Variants in SOX11 observed in about 807,000 individuals in gnomAD.
SOX11 encodes the protein SRY-box transcription factor 11, also known as transcription factor SOX-11.
In SOX11, 5 loss-of-function variants were observed where a neutral mutation model predicts 16.7. The observed-to-expected ratio is 0.30, with a 90% CI of 0.16 to 0.63. The LOEUF (loss-of-function observed/expected upper bound fraction) is 0.63, where lower values mean the gene tolerates loss of function less well. SOX11 is among the 20% of genes least tolerant of loss of function. The pLI, the probability that SOX11 is intolerant of heterozygous loss-of-function variation, is 0.82. For synonymous variants in SOX11, 363 were observed against 298.8 expected, an observed-to-expected ratio of 1.21 and a Z score of -2.22; for missense variants, 492 against 641.5, an observed-to-expected ratio of 0.77 and a Z score of 2.52.
chr2:5,693,206 G>T lies in SOX11; in HGVS notation c.485G>T (p.Gly162Val). The T allele has an allele frequency of 6.6e-7, 1 of 1,505,790 alleles. No homozygotes were observed. The highest frequency in any genetic ancestry group is 1.3e-5 in the South Asian group (1 of 79,428). 93.3% of individuals were successfully genotyped at this position (1,505,790 alleles called of 1,614,324 possible). ...GCGGGCGGTGCCAAGACCTCCAAGG[G>T]CTCCAGCAAGAAATGCGGCAAGCTC... ...GGAGGAKTSKGSSKKCGKLKA... is the reference protein window; with the variant it reads ...GGAGGAKTSKVSSKKCGKLKA... Residue 162 changes from glycine (G) to valine (V), a missense_variant, in exon 1 of 1, where the codon GGC becomes GTC. Physicochemically the swap from Gly to Val is moderately radical, Grantham distance 109. Around this residue, in one of 4 missense-constraint regions of SOX11, gnomAD observed 389 missense variants for 389.0 expected, o/e 1.00. Transcript: ENST00000322002. The surrounding 1 kb of genome is among the most constrained non-coding windows in gnomAD (Gnocchi z 8.6).
rs1285969812 is a variant in SOX11 at position 5,698,563 on chromosome 2, AAAT to A, written c.*4517_*4519del. The A allele has an allele frequency of 1.2e-5, 2 of 163,390 alleles. No individual in the cohort carries two copies. The highest frequency in any genetic ancestry group is 3.9e-4 in the East Asian group (2 of 5,122). 10.1% of individuals were successfully genotyped at this position (163,390 alleles called of 1,614,324 possible). ...CATCCCTTTTATTTAAAAAAAAAAA[AAAT>A]GCTAATAAAAGGCAGTGTACTTAAA... is the stretch of plus-strand genomic sequence containing the variant. On this transcript the variant is annotated 3_prime_UTR_variant, in exon 1 of 1. Coordinates refer to ENST00000322002, the MANE Select transcript of SOX11 (RefSeq NM_003108.4).
rs761704672 is a variant in SOX11 at position 5,693,158 on chromosome 2, G to C, written c.437G>C (p.Gly146Ala). ...QSPEKSAAGG[G>A]GGSAGGGAGG... is the part of the protein sequence containing the mutation. ...CCAGAGAAGAGCGCGGCCGGCGGCGGCGGCGGGAGCGCGGGCGGAGGCGCG... is the reference window on the plus strand; with the variant it reads ...CCAGAGAAGAGCGCGGCCGGCGGCGCCGGCGGGAGCGCGGGCGGAGGCGCG... The change falls in exon 1 of 1, where the codon GGC (glycine) becomes GCC (alanine). Residue 146 changes from glycine to alanine, a missense_variant. Around this residue, in one of 4 missense-constraint regions of SOX11, gnomAD observed 389 missense variants for 389.0 expected, o/e 1.00. Transcript: ENST00000322002. This position sits in a 1 kb window ranked among gnomAD's most constrained non-coding sequence, Gnocchi z 8.6. The C allele has an allele frequency of 1.3e-6, 2 of 1,585,780 alleles. No individual in the cohort carries two copies. The highest frequency in any genetic ancestry group is 2.2e-5 in the South Asian group (2 of 89,046).
chr2:5,692,524 G>A lies in SOX11; in HGVS notation c.-198G>A, dbSNP rs1284537036. On this transcript the variant is annotated 5_prime_UTR_variant, in exon 1 of 1. Transcript: ENST00000322002. ...TCGCGACCGCAGCTCCCACCGCGCC[G>A]GCGGCCGTCGTCGCCGAAGCCACCA... The A allele has an allele frequency of 1.5e-5, 7 of 463,886 alleles. No homozygotes were observed. Among genetic ancestry groups the A allele is most frequent in the African/African-American group, 6.2e-5 (3 of 48,772 alleles). The allele number at this position is 463,886 out of a possible 1,614,324, so 28.7% of individuals were successfully genotyped here.
Position 5,700,704 on chromosome 2 carries a change from A to T in SOX11, c.*6657A>T, listed in dbSNP as rs1383350075. The T allele has an allele frequency of 6.0e-6, 1 of 166,702 alleles. No individual in the cohort carries two copies. The highest frequency in any genetic ancestry group is 2.1e-4 in the South Asian group (1 of 4,822). The allele number at this position is 166,702 out of a possible 1,614,324, so 10.3% of individuals were successfully genotyped here. A position where few individuals can be genotyped will look rare whatever the true frequency, so the allele number is the denominator to read the frequency against. ...ATTGACTGTTTTAAAACGGAGGCCT[A>T]TTTTTTCCGGTTTGGGACTCCTAGT... On this transcript the variant is annotated 3_prime_UTR_variant, in exon 1 of 1. Transcript: ENST00000322002.
rs537031161 is a variant in SOX11, at chr2:5,692,672, C to T, written c.-50C>T. 8.7e-5 allele frequency: 129 copies of T among 1,477,060 alleles called. No individual in the cohort carries two copies. Among genetic ancestry groups the T allele is most frequent in the Middle Eastern group, 6.6e-4 (3 of 4,578 alleles). The allele number at this position is 1,477,060 out of a possible 1,614,324, so 91.5% of individuals were successfully genotyped here. ...GGGGTGGGAGGGGGAGGGGGACCTC[C>T]GCACGAGACCCAGCGGCCCGGGTTG... On this transcript the variant is annotated 5_prime_UTR_variant, in exon 1 of 1. Coordinates refer to ENST00000322002, the MANE Select transcript of SOX11 (RefSeq NM_003108.4).
At position 5,697,403 on chromosome 2, in the gene SOX11, T is replaced by C. The variant is rs1665756212; in HGVS notation, c.*3356T>C. ...GAGGGGCCCCGGCGCCCTTCCCGCCTCCCCTCCCGCTTGCTTTTGCCTTAC... is the reference window on the plus strand; with the variant it reads ...GAGGGGCCCCGGCGCCCTTCCCGCCCCCCCTCCCGCTTGCTTTTGCCTTAC... On this transcript the variant is annotated 3_prime_UTR_variant, in exon 1 of 1. Transcript: ENST00000322002. 1.8e-5 allele frequency: 3 copies of C among 166,062 alleles called. No individual in the cohort carries two copies. Among genetic ancestry groups the C allele is most frequent in the African/African-American group, 7.3e-5 (3 of 40,956 alleles). 10.3% of individuals were successfully genotyped at this position (166,062 alleles called of 1,614,324 possible).
In SOX11 at chr2:5,693,569, G is replaced by A. The variant is rs1665676750; in HGVS notation, c.848G>A (p.Ser283Asn). Reference protein sequence around the residue: ...AKVPASPTLSSSAESPEGASL... With the variant: ...AKVPASPTLSNSAESPEGASL... ...GTGCCCGCCAGCCCTACGCTGAGCA[G>A]CTCGGCGGAGTCCCCCGAGGGAGCG... The change falls in exon 1 of 1, where the codon AGC becomes AAC. Residue 283 changes from serine to asparagine, a missense_variant. Around this residue, in one of 4 missense-constraint regions of SOX11, gnomAD observed 389 missense variants for 389.0 expected, o/e 1.00. Transcript: ENST00000322002. This position sits in a 1 kb window ranked among gnomAD's most constrained non-coding sequence, Gnocchi z 8.6. The A allele has an allele frequency of 6.4e-7, 1 of 1,561,154 alleles. No homozygotes were observed. The highest frequency in any genetic ancestry group is 8.6e-7 in the Non-Finnish European group (1 of 1,160,814).
rs1364504443 is a variant in SOX11 at position 5,693,532 on chromosome 2, A to C, written c.811A>C (p.Asn271His). ...GCCGTCGCAGCTGCTGAGACGCTAC[A>C]ACGTCGCCAAAGTGCCCGCCAGCCC... is the stretch of plus-strand genomic sequence containing the variant. ...QQPSQLLRRYNVAKVPASPTL... is the reference protein window; with the variant it reads ...QQPSQLLRRYHVAKVPASPTL... The change falls in exon 1 of 1, where the codon AAC becomes CAC. Residue 271 changes from asparagine to histidine, a missense_variant. Asn to His is a moderately conservative substitution (Grantham distance 68). This residue lies in a region of SOX11 where 389 missense variants were observed against 389.0 expected (regional missense o/e 1.00). Coordinates refer to ENST00000322002, the MANE Select transcript of SOX11 (RefSeq NM_003108.4). This position sits in a 1 kb window ranked among gnomAD's most constrained non-coding sequence, Gnocchi z 8.6. 2 of 1,568,360 alleles carry C rather than the reference A, an allele frequency of 1.3e-6. No individual in the cohort carries two copies. Among genetic ancestry groups the C allele is most frequent in the Non-Finnish European group, 1.7e-6 (2 of 1,164,382 alleles).
chr2:5,693,287 G>C lies in SOX11; in HGVS notation c.566G>C (p.Gly189Ala). Residue 189 changes from glycine to alanine, a missense_variant, in exon 1 of 1, where the codon GGG becomes GCG. Gly to Ala is a moderately conservative substitution (Grantham distance 60). Around this residue, in one of 4 missense-constraint regions of SOX11, gnomAD observed 389 missense variants for 389.0 expected, o/e 1.00. Transcript: ENST00000322002. This position sits in a 1 kb window ranked among gnomAD's most constrained non-coding sequence, Gnocchi z 8.6. ...GGCGCGGGCAAGGCGGCCCAGTCCGGGGACTACGGGGGCGCGGGCGACGAC... is the reference window on the plus strand; with the variant it reads ...GGCGCGGGCAAGGCGGCCCAGTCCGCGGACTACGGGGGCGCGGGCGACGAC... The part of the protein sequence containing the change: ...KAGAGKAAQS[G>A]DYGGAGDDYV... 6.7e-7 allele frequency: 1 copy of C among 1,500,830 alleles called. No homozygotes were observed. Among genetic ancestry groups the C allele is most frequent in the African/African-American group, 1.4e-5 (1 of 69,702 alleles). 93.0% of individuals were successfully genotyped at this position (1,500,830 alleles called of 1,614,324 possible).
chr2:5,694,156 TTGA>T lies in SOX11; in HGVS notation c.*112_*114del. 7.3e-7 allele frequency: 1 copy of T among 1,374,818 alleles called. No homozygotes were observed. The highest frequency in any genetic ancestry group is 9.7e-7 in the Non-Finnish European group (1 of 1,033,502). 85.2% of individuals were successfully genotyped at this position (1,374,818 alleles called of 1,614,324 possible). ...GATAATGATGATGATGATGGTGGTG[TTGA>T]TGGTGGCGGTGGTAGGGTGGAGGGG... On this transcript the variant is annotated 3_prime_UTR_variant, in exon 1 of 1. Coordinates refer to ENST00000322002, the MANE Select transcript of SOX11 (RefSeq NM_003108.4).
At position 5,693,440 on chromosome 2, in the gene SOX11, A is replaced by G. The variant is rs778428159; in HGVS notation, c.719A>G (p.Lys240Arg). ...DDDDELQLQI[K>R]QEPDEEDEEP... The stretch of plus-strand genomic sequence containing the variant: ...GACGACGAGCTGCAGCTGCAGATCA[A>G]ACAGGAGCCGGACGAGGAGGACGAG... The change falls in exon 1 of 1, where the codon AAA becomes AGA. Residue 240 changes from lysine (K) to arginine (R), a missense_variant. This residue lies in a region of SOX11 where 389 missense variants were observed against 389.0 expected (regional missense o/e 1.00). Coordinates refer to ENST00000322002, the MANE Select transcript of SOX11 (RefSeq NM_003108.4). This position sits in a 1 kb window ranked among gnomAD's most constrained non-coding sequence, Gnocchi z 8.6. The G allele has an allele frequency of 1.3e-6, 2 of 1,591,622 alleles. No homozygotes were observed. The highest frequency in any genetic ancestry group is 2.7e-5 in the African/African-American group (2 of 74,798).
rs1373389226 is a variant in SOX11, at chr2:5,694,375, T to G, written c.*328T>G. 2.4e-6 allele frequency: 1 copy of G among 412,644 alleles called. No individual in the cohort carries two copies. Among genetic ancestry groups the G allele is most frequent in the East Asian group, 3.6e-5 (1 of 28,020 alleles). The allele number at this position is 412,644 out of a possible 1,614,324, so 25.6% of individuals were successfully genotyped here. ...CATACCTAGTCTGGAGTTGTGATTA[T>G]TTTCCCAAAAAATGTGTTTTTGTAA... is the stretch of plus-strand genomic sequence containing the variant. On this transcript the variant is annotated 3_prime_UTR_variant, in exon 1 of 1. Coordinates refer to ENST00000322002, the MANE Select transcript of SOX11 (RefSeq NM_003108.4).
In SOX11 at chr2:5,693,785, G is replaced by A. The variant is rs1395519132; in HGVS notation, c.1064G>A (p.Gly355Asp). ...AGCGGCAGCAGCAGCGGCAGCAGCG[G>A]CGAGGACGCCGACGACCTGATGTTC... ...SSSGSSSGSSGEDADDLMFDL... is the reference protein window; with the variant it reads ...SSSGSSSGSSDEDADDLMFDL... Residue 355 changes from glycine to aspartate, a missense_variant, in exon 1 of 1, where the codon GGC (glycine) becomes GAC (aspartate). Coordinates refer to ENST00000322002, the MANE Select transcript of SOX11 (RefSeq NM_003108.4). The surrounding 1 kb of genome is among the most constrained non-coding windows in gnomAD (Gnocchi z 8.6). The A allele has an allele frequency of 6.4e-7, 1 of 1,565,014 alleles. No homozygotes were observed. Among genetic ancestry groups the A allele is most frequent in the East Asian group, 2.4e-5 (1 of 42,278 alleles).
At position 5,698,800 on chromosome 2, in the gene SOX11, A is replaced by G. The variant is rs535139076; in HGVS notation, c.*4753A>G. Reference sequence around the variant, plus strand: ...TTTAGTTGCTTTTTTCATGAAAGAAAAAGACTCAAAAGACAAGACTTATTT... The same window carrying G: ...TTTAGTTGCTTTTTTCATGAAAGAAGAAGACTCAAAAGACAAGACTTATTT... On this transcript the variant is annotated 3_prime_UTR_variant, in exon 1 of 1. Coordinates refer to ENST00000322002, the MANE Select transcript of SOX11 (RefSeq NM_003108.4). 1.8e-5 allele frequency: 3 copies of G among 167,210 alleles called. No individual in the cohort carries two copies. The highest frequency in any genetic ancestry group is 4.1e-4 in the South Asian group (2 of 4,824). 10.4% of individuals were successfully genotyped at this position (167,210 alleles called of 1,614,324 possible).
chr2:5,694,290 C>A lies in SOX11; in HGVS notation c.*243C>A. ...TAAAGTGAAATGAGTAGTTTTTAAA[C>A]ATTTTTCCTGTCCTTTTTTTGTCCC... On this transcript the variant is annotated 3_prime_UTR_variant, in exon 1 of 1. Coordinates refer to ENST00000322002, the MANE Select transcript of SOX11 (RefSeq NM_003108.4). The A allele has an allele frequency of 2.0e-6, 1 of 505,878 alleles. No individual in the cohort carries two copies. Among genetic ancestry groups the A allele is most frequent in the African/African-American group, 2.0e-5 (1 of 49,832 alleles). 31.3% of individuals were successfully genotyped at this position (505,878 alleles called of 1,614,324 possible).
rs754271419 is a variant in SOX11 at position 5,693,333 on chromosome 2, C to T, written c.612C>T (p.Arg204=). The change falls in exon 1 of 1, where the codon CGC becomes CGT. Residue 204 remains arginine, a synonymous_variant. Coordinates refer to ENST00000322002, the MANE Select transcript of SOX11 (RefSeq NM_003108.4). The surrounding 1 kb of genome is among the most constrained non-coding windows in gnomAD (Gnocchi z 8.6). ...AGDDYVLGSL[R]VSGSGGGGAG... ...ACGACTACGTGCTGGGCAGCCTGCGCGTGAGCGGCTCGGGCGGCGGCGGCG... is the reference window on the plus strand; with the variant it reads ...ACGACTACGTGCTGGGCAGCCTGCGTGTGAGCGGCTCGGGCGGCGGCGGCG... The T allele has an allele frequency of 1.3e-6, 2 of 1,589,940 alleles. No homozygotes were observed. Among genetic ancestry groups the T allele is most frequent in the African/African-American group, 1.4e-5 (1 of 74,028 alleles).
chr2:5,693,977 C>T lies in SOX11; in HGVS notation c.1256C>T (p.Pro419Leu). The T allele has an allele frequency of 6.4e-7, 1 of 1,551,592 alleles. No individual in the cohort carries two copies. The highest frequency in any genetic ancestry group is 8.7e-7 in the Non-Finnish European group (1 of 1,147,032). The change falls in exon 1 of 1, where the codon CCG becomes CTG. Residue 419 changes from proline (P) to leucine (L), a missense_variant. Physicochemically the swap from Pro to Leu is moderately conservative, Grantham distance 98 (BLOSUM62 -3). This residue lies in a region of SOX11 where 31 missense variants were observed against 78.3 expected (regional missense o/e 0.40). Coordinates refer to ENST00000322002, the MANE Select transcript of SOX11 (RefSeq NM_003108.4). This position sits in a 1 kb window ranked among gnomAD's most constrained non-coding sequence, Gnocchi z 8.6. ...SHFEFPDYCT[P>L]ELSEMIAGDW... ...TTCGAGTTCCCCGACTACTGCACGC[C>T]GGAGCTGAGCGAGATGATCGCGGGG...
In SOX11 at chr2:5,694,064, G is replaced by C. The variant is rs1003570410; in HGVS notation, c.*17G>C. 6.5e-6 allele frequency: 10 copies of C among 1,542,890 alleles called. No homozygotes were observed. Among genetic ancestry groups the C allele is most frequent in the Non-Finnish European group, 7.9e-6 (9 of 1,142,684 alleles). On this transcript the variant is annotated 3_prime_UTR_variant, in exon 1 of 1. Transcript: ENST00000322002. ...ACATATTGAAAGGCGCCCGCTGCTC[G>C]CTCTTTCTCTCGGAGGGTGCAGAGC...
rs1418231739 is a variant in SOX11 at position 5,693,423 on chromosome 2, G to A, written c.702G>A (p.Glu234=). 3.1e-6 allele frequency: 5 copies of A among 1,591,104 alleles called. No homozygotes were observed. In the African/African-American group the frequency reaches 5.3e-5, roughly 17 times the overall value. Residue 234 remains glutamate, a synonymous_variant, in exon 1 of 1, where the codon GAG becomes GAA. Coordinates refer to ENST00000322002, the MANE Select transcript of SOX11 (RefSeq NM_003108.4). This position sits in a 1 kb window ranked among gnomAD's most constrained non-coding sequence, Gnocchi z 8.6. ...ACGACGACGACGACGACGACGACGA[G>A]CTGCAGCTGCAGATCAAACAGGAGC... ...EDDDDDDDDD[E]LQLQIKQEPD... is the part of the protein sequence containing the mutation.
Sources: allele counts gnomAD v4.1 joint callset, GRCh38; gene constraint gnomAD v4.1.1; regional missense constraint gnomAD v4.1.1; non-coding constraint Gnocchi (gnomAD v3.1); transcripts MANE v1.5; gene names NCBI Gene and HGNC (gene_info 2026-07-23, HGNC 2026-07-21).